The following FRMD4B variants were observed in gnomAD, a reference collection of about 807,000 sequenced individuals.
FRMD4B encodes the protein FERM domain containing 4B.
Under a neutral mutation model 141.5 loss-of-function variants are expected in FRMD4B, and 74 were observed. The observed-to-expected ratio is 0.52, with a 90% CI of 0.43 to 0.63. FRMD4B has a LOEUF of 0.63. Among genes scored for constraint, FRMD4B ranks in the 30% least tolerant of loss-of-function variants. FRMD4B has a pLI of 0.00. For synonymous variants in FRMD4B, 506 were observed against 467.9 expected, an observed-to-expected ratio of 1.08 and a Z score of -1.05; for missense variants, 1,366 against 1,253.4, an observed-to-expected ratio of 1.09 and a Z score of -1.36.
chr3:69,232,008 GC>G (rs1156666375), intron 7 of FRMD4B, among the ~76,000 whole-genome samples: 1 of 152,052 alleles, frequency 6.6e-6, no homozygotes, highest in Non-Finnish European at 1.5e-5. Context: ...TGCACAGAAG[GC>G]CCCTCCCTGG....
intron 3 of FRMD4B, among the ~76,000 whole-genome samples, chr3:69,306,930 G>C (rs571317086): frequency 4.6e-5 from 7 of 152,090 alleles, no homozygotes; most frequent in Non-Finnish European, 7.4e-5. Context: ...ATTTACCAAA[G>C]AAAAAGAACT....
At chr3:69,408,736 G>A (rs1321595777) in intron 2 of FRMD4B, among the ~76,000 whole-genome samples, 1 of 152,122 alleles carries the variant, frequency 6.6e-6, no homozygotes, top group Admixed American at 6.5e-5. Flanking sequence ...ATAGTTGCGT[G>A]GAGTCCTGGC....
chr3:69,515,733 G>A (rs1248737745), intron 1 of FRMD4B, among the ~76,000 whole-genome samples: 3 of 152,058 alleles, frequency 2.0e-5, no homozygotes, highest in Admixed American at 6.6e-5. Context: ...GAAACCAGAA[G>A]GATGATAGAG....
chr3:69,511,829 A>G lies in FRMD4B; in HGVS notation c.-129+30377T>C, dbSNP rs1372604290. Among the ~76,000 whole-genome samples the G allele has an allele frequency of 2.6e-5, 4 of 152,188 alleles. No individual in the cohort carries two copies. In the South Asian group the frequency reaches 8.3e-4, roughly 32 times the overall value. ...CTTACCCCACTTACCCCTGCACTGT[A>G]TCCTGCACAGGTGTTTTCCCTCGTA... On this transcript the variant is annotated intron_variant, in intron 1 of 5. Transcript: ENST00000459638.
At chr3:69,227,190 G>C (rs900525924) in intron 7 of FRMD4B, among the ~76,000 whole-genome samples, 2 of 152,070 alleles carry the variant, frequency 1.3e-5, no homozygotes, top group Admixed American at 1.3e-4. Flanking sequence ...AGAAATTCTG[G>C]CTGAATAAAT....
chr3:69,324,864 G>T lies in FRMD4B; in HGVS notation c.163-11347C>A, dbSNP rs142381486. Among the ~76,000 whole-genome samples the T allele has an allele frequency of 8.4e-5, 6 of 71,616 alleles. No homozygotes were observed. The East Asian group carries it at 6.6e-3, about 79-fold the overall frequency. 47.0% of individuals were successfully genotyped at this position (71,616 alleles called of 152,430 possible). The stretch of plus-strand genomic sequence containing the variant: ...CCCTAATGTTTTGGAAGGCTGAGGC[G>T]GGGGGGGATTGCTTGAGCCCAGGAG... On this transcript the variant is annotated intron_variant, in intron 1 of 22. Transcript: ENST00000398540.
At position 69,170,216 on chromosome 3, in the gene FRMD4B, G is replaced by A. The variant is rs1264102025; in HGVS notation, c.*1645C>T. 1.3e-5 allele frequency: 2 copies of A among 152,126 alleles called. No individual in the cohort carries two copies. Among genetic ancestry groups the A allele is most frequent in the Non-Finnish European group, 1.5e-5 (1 of 68,018 alleles). 9.4% of individuals were successfully genotyped at this position (152,126 alleles called of 1,614,324 possible). ...ATGATTACTTGAAGTAGAGCACTGCGACCTGCTTCACATGAACCCCTGACA... is the reference window on the plus strand; with the variant it reads ...ATGATTACTTGAAGTAGAGCACTGCAACCTGCTTCACATGAACCCCTGACA... On this transcript the variant is annotated 3_prime_UTR_variant, in exon 23 of 23. Transcript: ENST00000398540.
chr3:69,269,113 G>A (rs1023695319), intron 5 of FRMD4B, among the ~76,000 whole-genome samples: 1 of 151,462 alleles, frequency 6.6e-6, no homozygotes, highest in African/African-American at 2.4e-5. Context: ...ATTTTTAGTA[G>A]AGATGAGCTT....
chr3:69,219,174 A>T (rs1040547849), intron 9 of FRMD4B, among the ~76,000 whole-genome samples: 18 of 151,392 alleles, frequency 1.2e-4, no homozygotes, highest in African/African-American at 4.4e-4. Flanking sequence ...AAAAAAAAAA[A>T]AAAGTCCCCC....
chr3:69,263,109 T>C (rs1192613318), intron 5 of FRMD4B, among the ~76,000 whole-genome samples: 2 of 151,656 alleles, frequency 1.3e-5, no homozygotes, highest in Non-Finnish European at 2.9e-5. Flanking sequence ...AAATACAAAT[T>C]AGCCAGGCAT....
At chr3:69,197,869 T>C (rs4855299) in intron 12 of FRMD4B, 137,226 of 152,312 alleles carry the variant, frequency 0.9, 63,290 homozygotes, top group Non-Finnish European at 0.99. Flanking sequence ...CCGGGTGCCA[T>C]GGCTCAGCAC....
intron 1 of FRMD4B, among the ~76,000 whole-genome samples, chr3:69,464,082 T>C (rs1022709667): frequency 1.3e-5 from 2 of 152,218 alleles, no homozygotes; most frequent in African/African-American, 4.8e-5. Context: ...TCAAACATAT[T>C]TATGGGGCAA....
intron 11 of FRMD4B, among the ~76,000 whole-genome samples, chr3:69,215,717 G>C (rs1250460029): frequency 6.6e-6 from 1 of 152,154 alleles, no homozygotes; most frequent in Non-Finnish European, 1.5e-5. Flanking sequence ...GCATCATTGA[G>C]AGATCACTAG....
intron 2 of FRMD4B, among the ~76,000 whole-genome samples, chr3:69,414,516 C>A (rs934626988): frequency 6.6e-6 from 1 of 152,214 alleles, no homozygotes; most frequent in Non-Finnish European, 1.5e-5. Flanking sequence ...ATGTTGTGGT[C>A]CAGGGGCAGA....
intron 21 of FRMD4B, among the ~76,000 whole-genome samples, chr3:69,177,991 T>C (rs528123515): frequency 6.6e-6 from 1 of 152,282 alleles, no homozygotes; most frequent in South Asian, 2.1e-4. Context: ...GGGATTTAGT[T>C]CTACAGAGGA....
chr3:69,221,076 C>T (rs893949453), intron 9 of FRMD4B, among the ~76,000 whole-genome samples: 9 of 152,002 alleles, frequency 5.9e-5, no homozygotes, highest in Non-Finnish European at 1.2e-4. Context: ...AATTTTCCTG[C>T]CTCAGCTTCT....
intron 1 of FRMD4B, among the ~76,000 whole-genome samples, chr3:69,368,141 T>C (rs1703720492): frequency 6.6e-6 from 1 of 152,166 alleles, no homozygotes; most frequent in Admixed American, 6.5e-5. Flanking sequence ...GTTTAAGCAG[T>C]CACATGGCAC....
intron 11 of FRMD4B, among the ~76,000 whole-genome samples, chr3:69,215,040 C>A (rs1483104998): frequency 6.6e-6 from 1 of 151,276 alleles, no homozygotes; most frequent in Non-Finnish European, 1.5e-5. Flanking sequence ...CCGCTATGCC[C>A]AGCTCATTTT....
intron 22 of FRMD4B, among the ~76,000 whole-genome samples, chr3:69,176,027 G>T (rs1380841437): frequency 6.6e-6 from 1 of 151,978 alleles, no homozygotes; most frequent in Non-Finnish European, 1.5e-5. Context: ...TGATCCGCCC[G>T]CCTCGGCCTC....
Sources: allele counts gnomAD v4.1 joint callset (sites outside exome capture counted in the v4.1 genomes callset), GRCh38; gene constraint gnomAD v4.1.1; transcripts MANE v1.5; gene names NCBI Gene and HGNC (gene_info 2026-07-23, HGNC 2026-07-21).